The following HIVEP1 variants were observed in gnomAD, a reference collection of about 807,000 sequenced individuals.
The protein encoded by HIVEP1 is HIVEP zinc finger 1.
Under a neutral mutation model 180.0 loss-of-function variants are expected in HIVEP1, and 36 were observed. The ratio of observed to expected loss-of-function variants is 0.20; its 90% CI spans 0.15 to 0.26. HIVEP1 has a LOEUF of 0.26. Among genes scored for constraint, HIVEP1 ranks in the 10% least tolerant of loss-of-function variants. HIVEP1 has a pLI of 1.00. For synonymous variants in HIVEP1, 1,239 were observed against 1,239.0 expected, an observed-to-expected ratio of 1.00 and a Z score of 0.00; for missense variants, 3,143 against 3,268.7, an observed-to-expected ratio of 0.96 and a Z score of 0.94.
chr6:12,013,892 C>G (rs1366091691), intron 1 of HIVEP1, among the ~76,000 whole-genome samples: 1 of 152,190 alleles, frequency 6.6e-6, no homozygotes, highest in East Asian at 1.9e-4. Flanking sequence ...GACATACAGC[C>G]AGATCAGGGA....
intron 2 of HIVEP1, among the ~76,000 whole-genome samples, chr6:12,088,275 C>T (rs1773231711): frequency 6.6e-6 from 1 of 152,068 alleles, no homozygotes; most frequent in African/African-American, 2.4e-5. Flanking sequence ...ATTGTACTTA[C>T]ACATTTGGGA....
At position 12,032,841 on chromosome 6, in the gene HIVEP1, A is replaced by G. The variant is rs75767368; in HGVS notation, c.40+17173A>G. The stretch of plus-strand genomic sequence containing the variant: ...TTTTGTAGAATAATTTTGCTATTTT[A>G]TATACTAACTGAAACATACAGTGTA... On this transcript the variant is annotated intron_variant, in intron 2 of 8. Coordinates refer to ENST00000379388, the MANE Select transcript of HIVEP1 (RefSeq NM_002114.4). Among the ~76,000 whole-genome samples the G allele has an allele frequency of 2.2e-4, 34 of 152,298 alleles. No homozygotes were observed. In the East Asian group the frequency reaches 6.6e-3, roughly 29 times the overall value.
At chr6:12,139,012 C>G (rs1758853164) in intron 7 of HIVEP1, among the ~76,000 whole-genome samples, 1 of 151,974 alleles carries the variant, frequency 6.6e-6, no homozygotes, top group Non-Finnish European at 1.5e-5. Context: ...CACATCCTCT[C>G]TACTAAATTG....
At chr6:12,194,402 A>G in the HIVEP1 span, among the ~76,000 whole-genome samples, 1 of 152,180 alleles carries the variant, frequency 6.6e-6, no homozygotes, top group East Asian at 1.9e-4. Flanking sequence ...ACATAACTAA[A>G]TTAAGTAAAG....
chr6:12,072,595 G>C (rs996177099), intron 2 of HIVEP1, among the ~76,000 whole-genome samples: 7 of 152,188 alleles, frequency 4.6e-5, no homozygotes, highest in African/African-American at 7.2e-5. Flanking sequence ...TGGAGCTTTC[G>C]TTGCATCTGT....
intron 3 of HIVEP1, among the ~76,000 whole-genome samples, chr6:12,109,730 C>T (rs934088929): frequency 6.6e-6 from 1 of 152,192 alleles, no homozygotes; most frequent in African/African-American, 2.4e-5. Context: ...GAATCTGCTT[C>T]TTCCAAACTC....
chr6:12,156,082 G>C (rs998621256), intron 7 of HIVEP1, among the ~76,000 whole-genome samples: 11 of 152,082 alleles, frequency 7.2e-5, no homozygotes, highest in African/African-American at 2.7e-4. Context: ...TCCTTTGCCT[G>C]CTTTTTAATC....
upstream of HIVEP1, among the ~76,000 whole-genome samples, chr6:12,011,395 C>G (rs972646721): frequency 2.0e-5 from 3 of 150,564 alleles, no homozygotes; most frequent in African/African-American, 7.3e-5. Context: ...TAAAGAGAAA[C>G]TACGGCCCCG....
At chr6:12,069,691 G>A (rs898879042) in intron 2 of HIVEP1, among the ~76,000 whole-genome samples, 1 of 151,466 alleles carries the variant, frequency 6.6e-6, no homozygotes, top group Non-Finnish European at 1.5e-5. Flanking sequence ...CCTGCACATT[G>A]TGCACATGTA....
the HIVEP1 span, among the ~76,000 whole-genome samples, chr6:12,205,071 C>T: frequency 6.6e-6 from 1 of 152,046 alleles, no homozygotes; most frequent in Non-Finnish European, 1.5e-5. Context: ...GGGAAGTGAT[C>T]AGAGATGAGA....
At chr6:12,090,814 C>T (rs144809700) in intron 3 of HIVEP1, among the ~76,000 whole-genome samples, 65 of 128,394 alleles carry the variant, frequency 5.1e-4, no homozygotes, top group African/African-American at 1.8e-3. Flanking sequence ...GTGAGCCTGT[C>T]TTCCTTTTCC....
rs772385294 is a variant in HIVEP1, at chr6:12,122,001, C to T, written c.2206C>T (p.Arg736Cys). The T allele has an allele frequency of 1.1e-5, 18 of 1,614,120 alleles. No homozygotes were observed. Among genetic ancestry groups the T allele is most frequent in the Middle Eastern group, 1.6e-4 (1 of 6,062 alleles). ...EKALLLPGQM[R>C]PPLATKTLEE... ...GGCATTGCTTTTACCAGGTCAGATG[C>T]GCCCACCTTTGGCCACAAAAACACT... is the stretch of plus-strand genomic sequence containing the variant. Residue 736 changes from arginine (R) to cysteine (C), a missense_variant, in exon 4 of 9, where the codon CGC (arginine) becomes TGC (cysteine). Physicochemically the swap from Arg to Cys is radical, Grantham distance 180 (BLOSUM62 -3). Around this residue, in one of 12 missense-constraint regions of HIVEP1, gnomAD observed 365 missense variants for 344.4 expected, o/e 1.06. Coordinates refer to ENST00000379388, the MANE Select transcript of HIVEP1 (RefSeq NM_002114.4).
intron 3 of HIVEP1, among the ~76,000 whole-genome samples, chr6:12,107,966 C>G (rs1039072293): frequency 1.3e-5 from 2 of 152,220 alleles, no homozygotes; most frequent in African/African-American, 4.8e-5. Context: ...CACAAAGGTT[C>G]TCGAAGGCCC....
chr6:12,179,882 T>C, the HIVEP1 span, among the ~76,000 whole-genome samples: 1 of 152,034 alleles, frequency 6.6e-6, no homozygotes, highest in African/African-American at 2.4e-5. Flanking sequence ...AAATAATGCT[T>C]CCAAAAATGA....
At chr6:12,096,649 C>T (rs1194515725) in intron 3 of HIVEP1, among the ~76,000 whole-genome samples, 4 of 151,328 alleles carry the variant, frequency 2.6e-5, no homozygotes. Flanking sequence ...ATTTAATTAC[C>T]ACACATAACA....
chr6:12,021,517 C>A (rs1401285223), intron 2 of HIVEP1, among the ~76,000 whole-genome samples: 2 of 152,174 alleles, frequency 1.3e-5, no homozygotes, highest in Non-Finnish European at 2.9e-5. Context: ...TGCCCTGGGT[C>A]TCCTTTGCTT....
intron 1 of HIVEP1, chr6:12,012,885 C>T (rs937675602): frequency 1.3e-5 from 2 of 152,892 alleles, no homozygotes; most frequent in African/African-American, 2.4e-5. Flanking sequence ...GGCATCCCAA[C>T]CTCCCGGCTT....
At chr6:12,026,918 A>G (rs1768623093) in intron 2 of HIVEP1, among the ~76,000 whole-genome samples, 1 of 152,170 alleles carries the variant, frequency 6.6e-6, no homozygotes, top group African/African-American at 2.4e-5. Context: ...GGTGATGTTG[A>G]TCTGCAATTT....
At chr6:12,131,995 A>T (rs78267132) in intron 6 of HIVEP1, among the ~76,000 whole-genome samples, 2,569 of 152,274 alleles carry the variant, frequency 0.017, 72 homozygotes, top group African/African-American at 0.059. Flanking sequence ...ACATGCTTCA[A>T]ATTAGTACTC....
Sources: gnomAD v4.1 joint callset for allele counts (sites outside exome capture counted in the v4.1 genomes callset) on GRCh38, gnomAD v4.1.1 for gene constraint, gnomAD v4.1.1 regional missense constraint, MANE v1.5 for transcripts, NCBI Gene and HGNC (gene_info 2026-07-23, HGNC 2026-07-21) for gene names.